The following GRK3 variants were observed in gnomAD, a reference collection of about 807,000 sequenced individuals.
GRK3 encodes adrenergic, beta, receptor kinase 2.
GRK3 carries 54 observed loss-of-function variants against 95.7 expected under a neutral mutation model. That is an observed-to-expected ratio of 0.56 (90% CI 0.45 to 0.71). GRK3 has a LOEUF of 0.71. Ranked by LOEUF, GRK3 falls within the 30% of genes least tolerant of loss-of-function variation. The pLI, the probability that GRK3 is intolerant of heterozygous loss-of-function variation, is 0.00. For missense variants in GRK3, 649 were observed against 851.2 expected, an observed-to-expected ratio of 0.76 and a Z score of 2.96; for synonymous variants, 281 against 290.8, an observed-to-expected ratio of 0.97 and a Z score of 0.34.
At chr22:25,708,384 G>A (rs776674739) in intron 15 of GRK3, among the ~76,000 whole-genome samples, 8 of 152,166 alleles carry the variant, frequency 5.3e-5, no homozygotes, top group African/African-American at 1.2e-4. Context: ...GGAGCAGTGC[G>A]GAGAGGGCTG....
intron 2 of GRK3, among the ~76,000 whole-genome samples, chr22:25,618,450 C>G (rs1365012071): frequency 6.6e-6 from 1 of 152,212 alleles, no homozygotes; most frequent in East Asian, 1.9e-4. Context: ...CTTCTCCATT[C>G]TTTGATTTCA....
rs1345514318 is a variant in GRK3, at chr22:25,647,727, AGAAGAATG to A, written c.264+3064_264+3071del. On this transcript the variant is annotated intron_variant, in intron 3 of 20. Transcript: ENST00000324198. ...TAGCGCCTGCAGATTCCATTCAGGC[AGAAGAATG>A]GTATTTTGGCAAAATGGGGAGAAAA... 8 of 1,295,392 alleles carry A rather than the reference AGAAGAATG, an allele frequency of 6.2e-6. No homozygotes were observed. In the Admixed American group the frequency reaches 1.4e-4, roughly 22 times the overall value. The allele number at this position is 1,295,392 out of a possible 1,614,324, so 80.2% of individuals were successfully genotyped here. A position where few individuals can be genotyped will look rare whatever the true frequency, so the allele number is the denominator to read the frequency against.
Position 25,725,260 on chromosome 22 carries a change from CTG to C in GRK3, c.*2813_*2814del, listed in dbSNP as rs2085464897. On this transcript the variant is annotated 3_prime_UTR_variant, in exon 21 of 21. Transcript: ENST00000324198. ...TATTTTTTTTCATTATTTTAGATTC[CTG>C]TGGTTGGGATATTTTAACATTGATG... 1 of 289,648 alleles carries C rather than the reference CTG, an allele frequency of 3.5e-6. No individual in the cohort carries two copies. Among genetic ancestry groups the C allele is most frequent in the Admixed American group, 5.2e-5 (1 of 19,342 alleles). 17.9% of individuals were successfully genotyped at this position (289,648 alleles called of 1,614,324 possible).
chr22:25,648,280 C>T (rs1248856880), intron 3 of GRK3: 4 of 877,568 alleles, frequency 4.6e-6, no homozygotes, highest in Non-Finnish European at 7.8e-6. Flanking sequence ...TATATCACAA[C>T]CAGAGAACAA....
intron 6 of GRK3, among the ~76,000 whole-genome samples, chr22:25,670,717 G>A (rs893638018): frequency 6.6e-6 from 1 of 151,762 alleles, no homozygotes; most frequent in Admixed American, 6.6e-5. Flanking sequence ...TGTTCTCTAC[G>A]AAGTATTCAA....
Position 25,646,613 on chromosome 22 carries a change from GT to G in GRK3, c.264+1953del, listed in dbSNP as rs568335135. On this transcript the variant is annotated intron_variant, in intron 3 of 20. Transcript: ENST00000324198. Reference sequence around the variant, plus strand: ...ATAAGACTATGGAAACTATGACAAAGTTTTTAAACTAGGAAAAAAATATTTA... The same window carrying G: ...ATAAGACTATGGAAACTATGACAAAGTTTTAAACTAGGAAAAAAATATTTA... 2.2e-3 allele frequency among the ~76,000 whole-genome samples: 342 copies of G among 152,230 alleles called. 5 individuals are homozygous for G. In the Middle Eastern group the frequency reaches 0.027, roughly 12 times the overall value.
intron 2 of GRK3, among the ~76,000 whole-genome samples, chr22:25,615,043 G>C (rs1164549849): frequency 6.6e-6 from 1 of 152,150 alleles, no homozygotes. Flanking sequence ...AGCAGCCCCT[G>C]AGATTCCCAG....
At chr22:25,647,787 T>C (rs2084796551) in intron 3 of GRK3, 1 of 921,622 alleles carries the variant, frequency 1.1e-6, no homozygotes, top group African/African-American at 1.6e-5. Flanking sequence ...TTCTGAATCC[T>C]GGAAATTAAT....
intron 2 of GRK3, among the ~76,000 whole-genome samples, chr22:25,639,458 A>T (rs1190915368): frequency 6.6e-6 from 1 of 152,174 alleles, no homozygotes; most frequent in African/African-American, 2.4e-5. Context: ...GACTATATAA[A>T]TGTGGGCATA....
chr22:25,652,961 T>G (rs545280351), intron 3 of GRK3, among the ~76,000 whole-genome samples: 1 of 152,284 alleles, frequency 6.6e-6, no homozygotes, highest in African/African-American at 2.4e-5. Context: ...AGGTATACGA[T>G]GTAGGCTCTT....
chr22:25,618,670 T>C (rs914698094), intron 2 of GRK3, among the ~76,000 whole-genome samples: 11 of 152,346 alleles, frequency 7.2e-5, no homozygotes, highest in Non-Finnish European at 1.3e-4. Context: ...GAATTGAATA[T>C]ACTTTGGTAT....
At chr22:25,612,841 T>C (rs2084508912) in intron 2 of GRK3, among the ~76,000 whole-genome samples, 1 of 143,372 alleles carries the variant, frequency 7.0e-6, no homozygotes, top group African/African-American at 2.7e-5. Context: ...AACTACTACC[T>C]CTAAAAGTTA....
rs2085275080 is a variant in GRK3, at chr22:25,703,592, A to G, written c.1227+16A>G. On this transcript the variant is annotated intron_variant, in intron 14 of 20. Transcript: ENST00000324198. ...ACTCACCGTGGTAAGGGGATTCAAAACTGTATTCTTGTCTGTATGGTAATT... is the reference window on the plus strand; with the variant it reads ...ACTCACCGTGGTAAGGGGATTCAAAGCTGTATTCTTGTCTGTATGGTAATT... 6.3e-7 allele frequency: 1 copy of G among 1,584,322 alleles called. No individual in the cohort carries two copies. The highest frequency in any genetic ancestry group is 1.7e-5 in the Admixed American group (1 of 59,824).
chr22:25,587,772 G>C (rs892929978), intron 1 of GRK3, among the ~76,000 whole-genome samples: 1 of 152,224 alleles, frequency 6.6e-6, no homozygotes, highest in African/African-American at 2.4e-5. Flanking sequence ...TAAGTCTCAC[G>C]AGATCTGATG....
intron 2 of GRK3, 34 bp downstream of exon 2, chr22:25,604,487 T>G (rs762192890): frequency 6.7e-7 from 1 of 1,494,822 alleles, no homozygotes; most frequent in Non-Finnish European, 9.2e-7. Flanking sequence ...CATACGGTAA[T>G]TTTAGTGATG....
chr22:25,583,406 T>G (rs1932176500), intron 1 of GRK3, among the ~76,000 whole-genome samples: 1 of 151,698 alleles, frequency 6.6e-6, no homozygotes, highest in African/African-American at 2.4e-5. Context: ...TCTGTTCCAT[T>G]AGGTTATTTG....
At position 25,705,609 on chromosome 22, in the gene GRK3, A is replaced by ATC. The variant is rs797010654; in HGVS notation, c.1328+1417_1328+1418dup. Among the ~76,000 whole-genome samples the ATC allele has an allele frequency of 6.4e-3, 967 of 150,592 alleles. 12 individuals carry two copies. Among genetic ancestry groups the ATC allele is most frequent in the African/African-American group, 0.022 (908 of 41,006 alleles). On this transcript the variant is annotated intron_variant, in intron 15 of 20. Coordinates refer to ENST00000324198, the MANE Select transcript of GRK3 (RefSeq NM_005160.4). ...GTCATATATATACATATATAGTATG[A>ATC]TCTCTCTCTCTCTCTCTCAAAAAAG...
intron 15 of GRK3, among the ~76,000 whole-genome samples, chr22:25,706,691 C>T (rs2085302718): frequency 6.6e-6 from 1 of 152,038 alleles, no homozygotes; most frequent in Non-Finnish European, 1.5e-5. Context: ...CCACCACGCC[C>T]AGCTAATGTT....
chr22:25,729,068 G>C lies in GRK3; in HGVS notation c.*6618G>C, dbSNP rs2085496263. The C allele has an allele frequency of 6.6e-6, 1 of 152,098 alleles. No homozygotes were observed. The highest frequency in any genetic ancestry group is 2.1e-4 in the South Asian group (1 of 4,824). 9.4% of individuals were successfully genotyped at this position (152,098 alleles called of 1,614,324 possible). A position where few individuals can be genotyped will look rare whatever the true frequency, so the allele number is the denominator to read the frequency against. ...ATTGGTTCTATCTCTTTTTGTATCT[G>C]TTGTGCCAGGGAAGGTTTATAATCC... On this transcript the variant is annotated 3_prime_UTR_variant, in exon 21 of 21. Coordinates refer to ENST00000324198, the MANE Select transcript of GRK3 (RefSeq NM_005160.4).
Sources: gnomAD v4.1 joint callset for allele counts (sites outside exome capture counted in the v4.1 genomes callset) on GRCh38, gnomAD v4.1.1 for gene constraint, MANE v1.5 for transcripts, NCBI Gene and HGNC (gene_info 2026-07-23, HGNC 2026-07-21) for gene names.